Variants in PSD3 observed in about 807,000 individuals in gnomAD.
The protein encoded by PSD3 is pleckstrin and Sec7 domain containing 3, also known as PH and SEC7 domain-containing protein 3.
In PSD3, 49 loss-of-function variants were observed where a neutral mutation model predicts 105.5. That is an observed-to-expected ratio of 0.46 (90% CI 0.37 to 0.59). PSD3 has a LOEUF of 0.59. Ranked by LOEUF, PSD3 falls within the 20% of genes least tolerant of loss-of-function variation. The pLI is 0.00. For synonymous variants in PSD3, 557 were observed against 457.8 expected, an observed-to-expected ratio of 1.22 and a Z score of -2.77; for missense variants, 1,561 against 1,263.8, an observed-to-expected ratio of 1.24 and a Z score of -3.57.
chr8:19,084,440 TC>T lies in PSD3; in HGVS notation c.89del (p.Arg30HisfsTer27), dbSNP rs1355773715. The T allele has an allele frequency of 2.2e-6, 1 of 456,082 alleles. No individual in the cohort carries two copies. Among genetic ancestry groups the T allele is most frequent in the Non-Finnish European group, 4.4e-6 (1 of 226,870 alleles). 28.3% of individuals were successfully genotyped at this position (456,082 alleles called of 1,614,324 possible). On this transcript the variant is annotated frameshift_variant, in exon 1 of 2. Coordinates refer to the PSD3 transcript ENST00000521475. LOFTEE classifies it high-confidence loss of function. ...GGGAGCATCCCAAGGCATCCCTGCATCGGGGGTCCATGCCCCACAGATCCTG... is the reference window on the plus strand; with the variant it reads ...GGGAGCATCCCAAGGCATCCCTGCATGGGGGTCCATGCCCCACAGATCCTG...
chr8:18,903,869 G>A (rs554548790), intron 2 of PSD3, among the ~76,000 whole-genome samples: 40 of 152,242 alleles, frequency 2.6e-4, no homozygotes, highest in African/African-American at 8.7e-4. Context: ...TGACTTCTCC[G>A]AGTAGCCAAA....
At chr8:18,930,835 T>A (rs1014115275) in intron 2 of PSD3, among the ~76,000 whole-genome samples, 6 of 152,196 alleles carry the variant, frequency 3.9e-5, no homozygotes, top group Non-Finnish European at 7.3e-5. Flanking sequence ...CCCAAAGTGC[T>A]GGGATTACAG....
intron 9 of PSD3, among the ~76,000 whole-genome samples, chr8:18,670,775 G>C (rs1270599657): frequency 6.6e-6 from 1 of 152,170 alleles, no homozygotes; most frequent in Non-Finnish European, 1.5e-5. Flanking sequence ...GGGGAAAAAT[G>C]TGTGCGAGTA....
intron 10 of PSD3, among the ~76,000 whole-genome samples, chr8:18,647,183 C>G (rs1808098554): frequency 6.6e-6 from 1 of 152,150 alleles, no homozygotes; most frequent in Non-Finnish European, 1.5e-5. Context: ...CTGAAAAGAC[C>G]AGTCATGACT....
At chr8:18,695,711 A>C (rs968750775) in intron 9 of PSD3, among the ~76,000 whole-genome samples, 4 of 152,218 alleles carry the variant, frequency 2.6e-5, no homozygotes, top group South Asian at 2.1e-4. Flanking sequence ...ATACCAGAAA[A>C]TAATTTTGCA....
chr8:18,852,002 G>A (rs768683301), intron 4 of PSD3, among the ~76,000 whole-genome samples: 11 of 152,190 alleles, frequency 7.2e-5, no homozygotes, highest in African/African-American at 1.4e-4. Flanking sequence ...ATCAGGTGAC[G>A]TAAACTAATC....
chr8:18,572,418 A>G, intron 14 of PSD3, 110 bp downstream of exon 14: 1 of 1,313,912 alleles, frequency 7.6e-7, no homozygotes, highest in Non-Finnish European at 1.1e-6. Context: ...TCACAGGGCA[A>G]GGTCTCACAC....
upstream of PSD3, among the ~76,000 whole-genome samples, chr8:19,014,653 C>T (rs1827118092): frequency 6.6e-6 from 1 of 152,190 alleles, no homozygotes; most frequent in Non-Finnish European, 1.5e-5. The surrounding 1 kb of genome is among the most constrained non-coding windows in gnomAD (Gnocchi z 4.9). Context: ...TTCCAAAGAA[C>T]AGTCTTTTTC....
intron 10 of PSD3, among the ~76,000 whole-genome samples, chr8:18,650,159 CTTATT>C (rs1458981789): frequency 2.0e-5 from 3 of 152,192 alleles, no homozygotes; most frequent in Admixed American, 6.5e-5. Context: ...CAATACTGAA[CTTATT>C]TTATTTTCCT....
chr8:18,677,074 C>A (rs1293227784), intron 9 of PSD3, among the ~76,000 whole-genome samples: 1 of 152,218 alleles, frequency 6.6e-6, no homozygotes, highest in African/African-American at 2.4e-5. Context: ...CTATCAGGAG[C>A]ATAGTGTGCT....
Position 18,694,954 on chromosome 8 carries a change from AT to A in PSD3, c.2173-39270del, listed in dbSNP as rs748233122. ...TACTAACTCTTAGATATTTAAAAAA[AT>A]CTAATACATTTTTATATAAGAAGGA... On this transcript the variant is annotated intron_variant, in intron 9 of 15. Transcript: ENST00000327040. Among the ~76,000 whole-genome samples, 34 of 152,360 alleles carry A rather than the reference AT, an allele frequency of 2.2e-4. 1 individual carries two copies. Among genetic ancestry groups the A allele is most frequent in the East Asian group, 7.7e-4 (4 of 5,182 alleles).
intron 10 of PSD3, among the ~76,000 whole-genome samples, chr8:18,638,235 T>C (rs968131333): frequency 1.3e-5 from 2 of 151,992 alleles, no homozygotes; most frequent in Non-Finnish European, 2.9e-5. Context: ...GTGGAATGTT[T>C]TTCCTCTAAG....
intron 1 of PSD3, among the ~76,000 whole-genome samples, chr8:19,029,494 T>C (rs1827681824): frequency 6.6e-6 from 1 of 152,076 alleles, no homozygotes; most frequent in African/African-American, 2.4e-5. Flanking sequence ...CTTACAATCA[T>C]GGCGGAAGGG....
intron 9 of PSD3, among the ~76,000 whole-genome samples, chr8:18,757,490 T>C (rs2129441513): frequency 6.6e-6 from 1 of 152,166 alleles, no homozygotes; most frequent in African/African-American, 2.4e-5. Flanking sequence ...AAACATTAAC[T>C]GCGTAGAGAA....
At chr8:18,704,293 A>G (rs575301213) in intron 9 of PSD3, among the ~76,000 whole-genome samples, 1 of 152,360 alleles carries the variant, frequency 6.6e-6, no homozygotes, top group African/African-American at 2.4e-5. Flanking sequence ...AGTTCTAGCA[A>G]GATGAACTTA....
intron 1 of PSD3, among the ~76,000 whole-genome samples, chr8:19,035,390 A>G (rs1228871429): frequency 6.6e-6 from 1 of 152,230 alleles, no homozygotes; most frequent in Non-Finnish European, 1.5e-5. Context: ...CTATTAATGG[A>G]TACACAGTGT....
At chr8:18,620,780 T>C (rs948665495) in intron 11 of PSD3, among the ~76,000 whole-genome samples, 1 of 152,210 alleles carries the variant, frequency 6.6e-6, no homozygotes, top group African/African-American at 2.4e-5. Flanking sequence ...TAACATCTTT[T>C]GCATATACAT....
chr8:18,557,265 A>T (rs183699801), intron 14 of PSD3, among the ~76,000 whole-genome samples: 1 of 152,344 alleles, frequency 6.6e-6, no homozygotes, highest in Admixed American at 6.5e-5. Context: ...AATGAAACAG[A>T]TCTGACTAAA....
At chr8:18,952,335 G>C (rs1343316581) in intron 1 of PSD3, among the ~76,000 whole-genome samples, 1 of 152,138 alleles carries the variant, frequency 6.6e-6, no homozygotes, top group African/African-American at 2.4e-5. Flanking sequence ...AAGAATGCTT[G>C]TTTGAGCTTG....
Sources: allele counts gnomAD v4.1 joint callset (sites outside exome capture counted in the v4.1 genomes callset), GRCh38; gene constraint gnomAD v4.1.1; non-coding constraint Gnocchi (gnomAD v3.1); transcripts MANE v1.5; gene names NCBI Gene and HGNC (gene_info 2026-07-23, HGNC 2026-07-21).